OGG1: variants seen among roughly 807,000 people sequenced by gnomAD.
OGG1 encodes the protein 8-oxoguanine DNA glycosylase.
A neutral mutation model predicts 42.3 loss-of-function variants in OGG1; 35 were observed. The ratio of observed to expected loss-of-function variants is 0.83; its 90% CI spans 0.63 to 1.10. The LOEUF is 1.10. Ranked by LOEUF, OGG1 falls within the 50% of genes least tolerant of loss-of-function variation. OGG1 has a pLI of 0.00. For missense variants in OGG1, 484 were observed against 446.7 expected, an observed-to-expected ratio of 1.08 and a Z score of -0.75; for synonymous variants, 189 against 179.0, an observed-to-expected ratio of 1.06 and a Z score of -0.44.
At position 9,756,768 on chromosome 3, in the gene OGG1, A is replaced by C. The variant is rs1160358204; in HGVS notation, c.900A>C (p.Gly300=). ...GPSPQTNKEL[G]NFFRSLWGPY... is the part of the protein sequence containing the mutation. ...TTAGTCTCATCACTTCTGATTTAGG[A>C]AACTTTTTCCGGAGCCTGTGGGGAC... Residue 300 remains glycine, a splice_region_variant and synonymous_variant, in exon 6 of 7, where the codon GGA becomes GGC. Transcript: ENST00000344629. 3.3e-5 allele frequency: 53 copies of C among 1,614,002 alleles called. No homozygotes were observed. Among genetic ancestry groups the C allele is most frequent in the Non-Finnish European group, 4.4e-5 (52 of 1,180,016 alleles).
chr3:9,763,098 T>G (rs2077966371), intron 7 of OGG1: 1 of 1,613,934 alleles, frequency 6.2e-7, no homozygotes, highest in African/African-American at 1.3e-5. Context: ...TTGGGACAGC[T>G]GGGAGAGGTG....
At chr3:9,762,167 A>G (rs994660473), downstream of OGG1, 2 of 166,082 alleles carry the variant, frequency 1.2e-5, no homozygotes, top group Non-Finnish European at 2.6e-5. Flanking sequence ...GTTAGGCAGT[A>G]GCAGAGCCAG....
At chr3:9,777,325 A>T (rs1264444129) in intron 2 of OGG1, among the ~76,000 whole-genome samples, 1 of 152,192 alleles carries the variant, frequency 6.6e-6, no homozygotes, top group African/African-American at 2.4e-5. Context: ...CGCCCTCCTC[A>T]TGACAACCCA....
In OGG1 at chr3:9,751,840, C is replaced by A. The variant is rs143170381; in HGVS notation, c.456C>A (p.Ile152=). The part of the protein sequence containing the change: ...FSFICSSNNN[I]ARITGMVERL... ...TTATCTGTTCCTCCAACAACAACAT[C>A]GCCCGCATCACTGGCATGGTGGAGC... Residue 152 remains isoleucine, a synonymous_variant, in exon 3 of 7, where the codon ATC becomes ATA. Coordinates refer to ENST00000344629, the MANE Select transcript of OGG1 (RefSeq NM_002542.6). 270 of 1,614,080 alleles carry A rather than the reference C, an allele frequency of 1.7e-4. No homozygotes were observed. The highest frequency in any genetic ancestry group is 2.2e-4 in the Non-Finnish European group (260 of 1,180,032).
chr3:9,790,092 A>G (rs1192607675), downstream of OGG1: 1 of 1,195,928 alleles, frequency 8.4e-7, no homozygotes, highest in African/African-American at 1.5e-5. Flanking sequence ...CTTTTTACCT[A>G]GTAAACTCTT....
downstream of OGG1, among the ~76,000 whole-genome samples, chr3:9,771,265 T>A (rs894480466): frequency 6.6e-5 from 10 of 151,908 alleles, no homozygotes; most frequent in Admixed American, 2.0e-4. Context: ...GCTCAAGCAA[T>A]CCTCCCCAAT....
chr3:9,751,093 G>A lies in OGG1; in HGVS notation c.286G>A (p.Val96Met), dbSNP rs138111256. The A allele has an allele frequency of 2.5e-6, 4 of 1,614,118 alleles. No homozygotes were observed. Among genetic ancestry groups the A allele is most frequent in the Middle Eastern group, 1.6e-4 (1 of 6,062 alleles). ...SRPTPDELEAVRKYFQLDVTL... is the reference protein window; with the variant it reads ...SRPTPDELEAMRKYFQLDVTL... Reference sequence around the variant, plus strand: ...GCCCACACCAGACGAGCTGGAGGCCGTGCGCAAGTACTTCCAGCTAGATGT... The same window carrying A: ...GCCCACACCAGACGAGCTGGAGGCCATGCGCAAGTACTTCCAGCTAGATGT... Residue 96 changes from valine (V) to methionine (M), a missense_variant, in exon 2 of 7, where the codon GTG becomes ATG. Transcript: ENST00000344629.
downstream of OGG1, chr3:9,760,563 G>A (rs553868707): frequency 1.4e-5 from 18 of 1,313,436 alleles, no homozygotes; most frequent in East Asian, 1.2e-4. Flanking sequence ...TGGAAAATCC[G>A]ACAGAAGGAA....
chr3:9,775,254 A>G (rs2078350512), intron 2 of OGG1, among the ~76,000 whole-genome samples: 1 of 152,136 alleles, frequency 6.6e-6, no homozygotes, highest in Admixed American at 6.6e-5. Flanking sequence ...AAAACCCCAA[A>G]AAAACAAAAA....
intron 2 of OGG1, among the ~76,000 whole-genome samples, chr3:9,776,524 G>T (rs2078367596): frequency 6.6e-6 from 1 of 151,652 alleles, no homozygotes; most frequent in Non-Finnish European, 1.5e-5. Flanking sequence ...TGAGTAGCTG[G>T]GACTACAGGT....
chr3:9,750,294 C>T lies in OGG1; in HGVS notation c.8C>T (p.Ala3Val), dbSNP rs964479831. Reference protein sequence around the residue: MPARALLPRRMGH... With the variant: MPVRALLPRRMGH... ...GCGGTGCCTGCTGTGGAAATGCCTGCCCGCGCGCTTCTGCCCAGGCGCATG... is the reference window on the plus strand; with the variant it reads ...GCGGTGCCTGCTGTGGAAATGCCTGTCCGCGCGCTTCTGCCCAGGCGCATG... The change falls in exon 1 of 7, where the codon GCC becomes GTC. Residue 3 changes from alanine (A) to valine (V), a missense_variant. Coordinates refer to ENST00000344629, the MANE Select transcript of OGG1 (RefSeq NM_002542.6). The T allele has an allele frequency of 3.1e-6, 5 of 1,610,478 alleles. No homozygotes were observed. In the East Asian group the frequency reaches 6.7e-5, roughly 22 times the overall value.
At chr3:9,763,226 A>T in intron 7 of OGG1, 1 of 1,613,762 alleles carries the variant, frequency 6.2e-7, no homozygotes, top group Non-Finnish European at 8.5e-7. Context: ...GAAAGGAGAA[A>T]TGAGGTGGTT....
intron 7 of OGG1, among the ~76,000 whole-genome samples, chr3:9,764,535 C>T (rs542960513): frequency 3.6e-4 from 54 of 151,290 alleles, no homozygotes; most frequent in Non-Finnish European, 3.7e-4. Flanking sequence ...TGGTTTGGAA[C>T]TCCCCACCTC....
intron 2 of OGG1, among the ~76,000 whole-genome samples, chr3:9,775,828 C>A (rs1463559228): frequency 1.3e-5 from 2 of 151,990 alleles, no homozygotes; most frequent in Non-Finnish European, 2.9e-5. Flanking sequence ...TTAGTAGAGA[C>A]AGGGTTTCAC....
rs56387615 is a variant in OGG1, at chr3:9,750,234, G to T, written c.-53G>T. On this transcript the variant is annotated 5_prime_UTR_variant, in exon 1 of 7. The change creates a premature stop within an existing upstream ORF in the 5' untranslated region. Transcript: ENST00000344629. The stretch of plus-strand genomic sequence containing the variant: ...CTGGGCGGGGTCTTTGGGCGTCGAC[G>T]AGGCCTGGTTCTGGGTAGGCGGGGC... 14 of 1,575,464 alleles carry T rather than the reference G, an allele frequency of 8.9e-6. No individual in the cohort carries two copies. Among genetic ancestry groups the T allele is most frequent in the Non-Finnish European group, 1.1e-5 (13 of 1,161,688 alleles).
chr3:9,753,279 G>GGTTGCAGTGAGCTGAGATCATGCC (rs2077386365), intron 3 of OGG1, among the ~76,000 whole-genome samples: 1 of 151,610 alleles, frequency 6.6e-6, no homozygotes, highest in Non-Finnish European at 1.5e-5. Context: ...GGGAAGCAGA[G>GGTTGCAGTGAGCTGAGATCATGCC]GTTGCAGTGA....
intron 2 of OGG1, among the ~76,000 whole-genome samples, chr3:9,775,256 A>T (rs1370145561): frequency 6.6e-6 from 1 of 152,152 alleles, no homozygotes; most frequent in Non-Finnish European, 1.5e-5. Context: ...AACCCCAAAA[A>T]AACAAAAAAC....
At chr3:9,750,901 G>T (rs1446094574) in intron 1 of OGG1, 44 bp from the exon 2 acceptor site, 1 of 1,612,664 alleles carries the variant, frequency 6.2e-7, no homozygotes, top group Non-Finnish European at 8.5e-7. Flanking sequence ...AAGGGTGCAA[G>T]AAAGGAAATT....
chr3:9,754,896 A>G lies in OGG1; in HGVS notation c.747+11A>G. 12 of 1,573,876 alleles carry G rather than the reference A, an allele frequency of 7.6e-6. No homozygotes were observed. The highest frequency in any genetic ancestry group is 1.3e-5 in the African/African-American group (1 of 74,248). On this transcript the variant is annotated intron_variant, in intron 4 of 6. Coordinates refer to ENST00000344629, the MANE Select transcript of OGG1 (RefSeq NM_002542.6). ...GGAGTGGGCACCAAGGTGAGGCCCC[A>G]GGGGGTAGGAGCTGCCCTCTCTACT...
Sources: gnomAD v4.1 joint callset for allele counts (sites outside exome capture counted in the v4.1 genomes callset) on GRCh38, gnomAD v4.1.1 for gene constraint, MANE v1.5 for transcripts, NCBI Gene and HGNC (gene_info 2026-07-23, HGNC 2026-07-21) for gene names.